The following TMEM131L variants were observed in gnomAD, a reference collection of about 807,000 sequenced individuals.
TMEM131L encodes the protein transmembrane protein 131-like.
Under a neutral mutation model 192.2 loss-of-function variants are expected in TMEM131L, and 54 were observed. That is an observed-to-expected ratio of 0.28 (90% confidence interval 0.23 to 0.35). The LOEUF (loss-of-function observed/expected upper bound fraction) is 0.35. Among genes scored for constraint, TMEM131L ranks in the 10% least tolerant of loss-of-function variants. The pLI is 1.00. For synonymous variants in TMEM131L, 701 were observed against 704.9 expected, an observed-to-expected ratio of 0.99 and a Z score of 0.09; for missense variants, 1,888 against 1,972.9, an observed-to-expected ratio of 0.96 and a Z score of 0.82.
Position 153,593,818 on chromosome 4 carries a change from A to G in TMEM131L, c.1942A>G (p.Met648Val), listed in dbSNP as rs765755452. 17 of 1,612,888 alleles carry G rather than the reference A, an allele frequency of 1.1e-5. No individual in the cohort carries two copies. The highest frequency in any genetic ancestry group is 1.4e-5 in the Non-Finnish European group (17 of 1,178,986). ...LHRWFGTDMQMINFTTGEFQL... is the reference protein window; with the variant it reads ...LHRWFGTDMQVINFTTGEFQL... ...TTATAGGTTTGGCACTGATATGCAG[A>G]TGATTAATTTCACAACTGGTGAATT... The change falls in exon 19 of 35, where the codon ATG (methionine) becomes GTG (valine). Residue 648 changes from methionine (M) to valine (V), a missense_variant. By Grantham distance (21) the Met-to-Val change is conservative. Transcript: ENST00000409959.
intron 19 of TMEM131L, among the ~76,000 whole-genome samples, 171 bp downstream of exon 19, chr4:153,594,042 G>A (rs557357574): frequency 3.3e-5 from 5 of 152,200 alleles, no homozygotes; most frequent in African/African-American, 7.2e-5. Context: ...TAACTAGTGC[G>A]GTAGGAGCTG....
chr4:153,584,338 G>A (rs79365569), intron 11 of TMEM131L, among the ~76,000 whole-genome samples: 3,531 of 151,986 alleles, frequency 0.023, 140 homozygotes, highest in African/African-American at 0.08. Flanking sequence ...ACATTTTTTT[G>A]TTAGTGTTTG....
chr4:153,545,562 C>G (rs1251296690), intron 3 of TMEM131L, among the ~76,000 whole-genome samples: 1 of 152,300 alleles, frequency 6.6e-6, no homozygotes, highest in Non-Finnish European at 1.5e-5. Context: ...GCTGGGATTA[C>G]AGGCATGAGC....
intron 25 of TMEM131L, among the ~76,000 whole-genome samples, chr4:153,606,387 G>A (rs1462847751): frequency 6.6e-6 from 1 of 152,194 alleles, no homozygotes; most frequent in East Asian, 1.9e-4. Flanking sequence ...AAGATGCAAT[G>A]CCCGTGGCAG....
intron 7 of TMEM131L, among the ~76,000 whole-genome samples, chr4:153,579,409 G>T (rs1730184480): frequency 6.6e-6 from 1 of 152,114 alleles, no homozygotes; most frequent in Non-Finnish European, 1.5e-5. Flanking sequence ...AATACTAGCA[G>T]ATATGAACAA....
At chr4:153,580,373 C>T (rs1730251878) in intron 7 of TMEM131L, among the ~76,000 whole-genome samples, 1 of 151,598 alleles carries the variant, frequency 6.6e-6, no homozygotes. Context: ...TTTGGTCTAA[C>T]TTGAGGGTCA....
At chr4:153,509,919 T>C (rs560429189) in intron 3 of TMEM131L, among the ~76,000 whole-genome samples, 86 of 152,298 alleles carry the variant, frequency 5.6e-4, no homozygotes, top group African/African-American at 2.0e-3. Context: ...TGGCAGCTGC[T>C]TTTATGGTGC....
At chr4:153,584,991 A>G (rs906326063) in intron 12 of TMEM131L, 60 bp downstream of exon 12, 4 of 1,286,420 alleles carry the variant, frequency 3.1e-6, no homozygotes, top group African/African-American at 2.9e-5. Context: ...TTTCCCCTCT[A>G]GAAATGGTTT....
At chr4:153,575,964 CTT>C (rs1230784808) in intron 7 of TMEM131L, among the ~76,000 whole-genome samples, 6 of 142,902 alleles carry the variant, frequency 4.2e-5, no homozygotes, top group Admixed American at 7.0e-5. Context: ...TTGTTTTGTT[CTT>C]TTTTTTTTTT....
chr4:153,584,709 T>C (rs1730585015), intron 11 of TMEM131L, 126 bp from the exon 12 acceptor site: 1 of 559,056 alleles, frequency 1.8e-6, no homozygotes, highest in Non-Finnish European at 3.1e-6. Context: ...CTTTTATGTC[T>C]GATTCACTAT....
intron 3 of TMEM131L, among the ~76,000 whole-genome samples, chr4:153,541,338 G>A (rs930495519): frequency 3.3e-5 from 5 of 152,200 alleles, no homozygotes; most frequent in African/African-American, 9.7e-5. Flanking sequence ...AAAATTCTTT[G>A]AATTGGAGAG....
intron 3 of TMEM131L, among the ~76,000 whole-genome samples, chr4:153,520,928 TC>T (rs1319711639): frequency 5.3e-5 from 8 of 152,210 alleles, no homozygotes; most frequent in African/African-American, 1.7e-4. Flanking sequence ...ATCCTTTACT[TC>T]CTGGAATTTA....
intron 7 of TMEM131L, among the ~76,000 whole-genome samples, chr4:153,575,203 C>T (rs1049543198): frequency 2.6e-5 from 4 of 152,160 alleles, no homozygotes; most frequent in Non-Finnish European, 4.4e-5. Flanking sequence ...TAATTGCACA[C>T]AGTCCCCCCA....
intron 7 of TMEM131L, among the ~76,000 whole-genome samples, chr4:153,572,735 C>T (rs1729674655): frequency 6.6e-6 from 1 of 152,182 alleles, no homozygotes; most frequent in African/African-American, 2.4e-5. Context: ...ACCATTTTCA[C>T]CATTTGTATG....
At chr4:153,473,810 A>C in intron 2 of TMEM131L, 35 bp from the exon 3 acceptor site, 2 of 1,527,024 alleles carry the variant, frequency 1.3e-6, no homozygotes, top group Non-Finnish European at 1.8e-6. Flanking sequence ...ACGAACAAAC[A>C]GAAACAACGG....
Position 153,585,453 on chromosome 4 carries a change from C to T in TMEM131L, c.1158-5C>T, listed in dbSNP as rs767305040. On this transcript the variant is annotated splice_polypyrimidine_tract_variant and splice_region_variant and intron_variant, in intron 12 of 34. Coordinates refer to ENST00000409959, the MANE Select transcript of TMEM131L (RefSeq NM_001131007.2). ...CCTGATAGCATGCATGTCGTCTGTT[C>T]ACAGGTATTTTAGAATGGACTCTTC... 19 of 1,613,620 alleles carry T rather than the reference C, an allele frequency of 1.2e-5. No homozygotes were observed. Among genetic ancestry groups the T allele is most frequent in the South Asian group, 2.2e-5 (2 of 90,970 alleles).
At chr4:153,603,517 T>C (rs1202958451) in intron 24 of TMEM131L, 65 bp downstream of exon 24, 5 of 1,493,682 alleles carry the variant, frequency 3.3e-6, no homozygotes, top group Non-Finnish European at 4.5e-6. Flanking sequence ...TACTCATTTC[T>C]GATTTAATTT....
chr4:153,586,418 T>A (rs1353802188), intron 14 of TMEM131L, 39 bp downstream of exon 14: 2 of 1,446,114 alleles, frequency 1.4e-6, no homozygotes, highest in African/African-American at 1.5e-5. Flanking sequence ...ACAGTTTTCT[T>A]AATTACTGTT....
At chr4:153,559,017 A>G (rs550498048) in intron 7 of TMEM131L, among the ~76,000 whole-genome samples, 22 of 152,332 alleles carry the variant, frequency 1.4e-4, no homozygotes, top group African/African-American at 4.6e-4. Context: ...TTGAACCAAT[A>G]TATTATGAAA....
Sources: allele counts gnomAD v4.1 joint callset (sites outside exome capture counted in the v4.1 genomes callset), GRCh38; gene constraint gnomAD v4.1.1; transcripts MANE v1.5; gene names NCBI Gene and HGNC (gene_info 2026-07-23, HGNC 2026-07-21).